Variants in DAAM1 observed in about 807,000 individuals in gnomAD.
DAAM1 encodes the protein dishevelled associated activator of morphogenesis 1, also known as disheveled-associated activator of morphogenesis 1.
A neutral mutation model predicts 130.0 loss-of-function variants in DAAM1; 52 were observed. The observed-to-expected ratio is 0.40, with a 90% CI of 0.32 to 0.50. DAAM1 has a LOEUF of 0.50. DAAM1 is among the 20% of genes least tolerant of loss of function. The pLI is 0.61. For synonymous variants in DAAM1, 452 were observed against 444.5 expected (o/e 1.02, Z -0.21); for missense variants, 1,134 against 1,303.8 (o/e 0.87, Z 2.01).
intron 1 of DAAM1, among the ~76,000 whole-genome samples, chr14:59,223,307 A>G (rs1437792508): frequency 6.6e-6 from 1 of 152,146 alleles, no homozygotes. Context: ...ATAATACCCA[A>G]TTCATGATGG....
chr14:59,330,699 C>T lies in DAAM1; in HGVS notation c.1560+11C>T. 3 of 1,596,198 alleles carry T rather than the reference C, an allele frequency of 1.9e-6. No homozygotes were observed. The highest frequency in any genetic ancestry group is 2.6e-6 in the Non-Finnish European group (3 of 1,172,246). On this transcript the variant is annotated intron_variant, in intron 13 of 24. Transcript: ENST00000360909. The stretch of plus-strand genomic sequence containing the variant: ...CATGAGCTCAGCAGGGTGAGGTCTT[C>T]CGCTCAGCTCACGGGCAGCTGCCAA...
chr14:59,347,815 G>A (rs1886140884), intron 17 of DAAM1, among the ~76,000 whole-genome samples, 192 bp downstream of exon 17: 1 of 152,154 alleles, frequency 6.6e-6, no homozygotes, highest in Non-Finnish European at 1.5e-5. Flanking sequence ...CAAACTGATG[G>A]GTGAGAAAGA....
chr14:59,371,255 C>T lies in DAAM1; in HGVS notation c.*2396C>T, dbSNP rs1424372944. The stretch of plus-strand genomic sequence containing the variant: ...GTAAACTTAATTATATGTCTTATAT[C>T]TTATTAGCTTAGTAGTTGGAACCAC... On this transcript the variant is annotated 3_prime_UTR_variant, in exon 25 of 25. Coordinates refer to ENST00000360909, the MANE Select transcript of DAAM1 (RefSeq NM_001270520.2). 6.6e-6 allele frequency: 1 copy of T among 151,462 alleles called. No individual in the cohort carries two copies. Among genetic ancestry groups the T allele is most frequent in the East Asian group, 1.9e-4 (1 of 5,174 alleles). 9.4% of individuals were successfully genotyped at this position (151,462 alleles called of 1,614,324 possible). A position where few individuals can be genotyped will look rare whatever the true frequency, so the allele number is the denominator to read the frequency against.
At chr14:59,242,267 T>C (rs1180353201) in intron 1 of DAAM1, among the ~76,000 whole-genome samples, 1 of 152,214 alleles carries the variant, frequency 6.6e-6, no homozygotes, top group Non-Finnish European at 1.5e-5. Context: ...ATCTCAAATA[T>C]AATCTCTCTA....
intron 2 of DAAM1, among the ~76,000 whole-genome samples, chr14:59,282,996 A>G (rs751794104): frequency 7.9e-5 from 12 of 152,112 alleles, no homozygotes; most frequent in African/African-American, 1.4e-4. Flanking sequence ...TGTTCTTTCA[A>G]TTCAGAATTG....
intron 2 of DAAM1, among the ~76,000 whole-genome samples, chr14:59,269,357 G>A (rs1246825137): frequency 6.6e-6 from 1 of 152,200 alleles, no homozygotes; most frequent in Non-Finnish European, 1.5e-5. Context: ...GTACCTCTCT[G>A]TAAACAGTCA....
At chr14:59,305,835 ATAAT>A (rs1215480874) in intron 3 of DAAM1, among the ~76,000 whole-genome samples, 2 of 152,226 alleles carry the variant, frequency 1.3e-5, no homozygotes, top group Non-Finnish European at 2.9e-5. Context: ...GAGGACATAA[ATAAT>A]AGCTATGTGC....
intron 2 of DAAM1, among the ~76,000 whole-genome samples, chr14:59,278,172 A>T (rs1488938709): frequency 6.6e-6 from 1 of 152,176 alleles, no homozygotes; most frequent in Non-Finnish European, 1.5e-5. Flanking sequence ...ATGTGAAATG[A>T]TAAAATGCCT....
Position 59,340,103 on chromosome 14 carries a change from G to A in DAAM1, c.1998G>A (p.Leu666=), listed in dbSNP as rs376144911. 63 of 1,613,510 alleles carry A rather than the reference G, an allele frequency of 3.9e-5. No individual in the cohort carries two copies. Among genetic ancestry groups the A allele is most frequent in the Non-Finnish European group, 4.6e-5 (54 of 1,179,708 alleles). ...QKEADAIDDT[L]SSKLKVKELS... is the part of the protein sequence containing the mutation. Reference sequence around the variant, plus strand: ...AAGCAGATGCCATTGATGACACTCTGAGTTCCAAACTTAAAGTTAAAGAGC... The same window carrying A: ...AAGCAGATGCCATTGATGACACTCTAAGTTCCAAACTTAAAGTTAAAGAGC... The change falls in exon 16 of 25, where the codon CTG becomes CTA. Residue 666 remains leucine (L), a synonymous_variant. Transcript: ENST00000360909.
At chr14:59,367,193 C>A (rs992012529) in intron 23 of DAAM1, among the ~76,000 whole-genome samples, 4 of 152,104 alleles carry the variant, frequency 2.6e-5, no homozygotes, top group Non-Finnish European at 5.9e-5. Context: ...GAGGTTGAGG[C>A]TGGAGAATCG....
At chr14:59,250,666 A>G (rs1406606334) in intron 1 of DAAM1, among the ~76,000 whole-genome samples, 2 of 152,056 alleles carry the variant, frequency 1.3e-5, no homozygotes, top group Non-Finnish European at 2.9e-5. Context: ...TTCCACAGAG[A>G]CAAACTTAGG....
At chr14:59,351,043 T>A (rs57044640) in intron 17 of DAAM1, among the ~76,000 whole-genome samples, 19,171 of 151,900 alleles carry the variant, frequency 0.13, 1,574 homozygotes, top group African/African-American at 0.23. Flanking sequence ...TAAACTCACC[T>A]TCTCCTCCCC....
chr14:59,204,464 A>G (rs940811824), intron 1 of DAAM1, among the ~76,000 whole-genome samples: 4 of 152,180 alleles, frequency 2.6e-5, no homozygotes, highest in African/African-American at 7.2e-5. Flanking sequence ...TTTCCCTGCA[A>G]TCAGCTGGAG....
chr14:59,314,434 G>T (rs1056379889), intron 3 of DAAM1, among the ~76,000 whole-genome samples: 12 of 151,944 alleles, frequency 7.9e-5, no homozygotes, highest in African/African-American at 9.7e-5. Flanking sequence ...TCTTCTGCTG[G>T]GCTCAGTGTT....
intron 15 of DAAM1, among the ~76,000 whole-genome samples, chr14:59,338,634 C>T (rs1885724905): frequency 6.6e-6 from 1 of 152,024 alleles, no homozygotes; most frequent in Non-Finnish European, 1.5e-5. Context: ...TCACCTAGTG[C>T]CTCACAGTAT....
intron 1 of DAAM1, among the ~76,000 whole-genome samples, chr14:59,239,908 A>T (rs947591016): frequency 2.0e-5 from 3 of 152,188 alleles, no homozygotes; most frequent in Non-Finnish European, 4.4e-5. Context: ...CCAAGGAATG[A>T]TTCCCTGATA....
At chr14:59,251,384 T>C (rs1410586662) in intron 1 of DAAM1, among the ~76,000 whole-genome samples, 2 of 151,418 alleles carry the variant, frequency 1.3e-5, no homozygotes, top group Non-Finnish European at 2.9e-5. Flanking sequence ...GTTAGGAGAT[T>C]GCCCATTGTG....
intron 1 of DAAM1, among the ~76,000 whole-genome samples, chr14:59,202,956 T>C (rs369130007): frequency 6.6e-6 from 1 of 152,012 alleles, no homozygotes; most frequent in African/African-American, 2.4e-5. Context: ...AGCGTAGTAT[T>C]GAAGAAAGAA....
chr14:59,328,488 GT>G (rs2139630271), intron 12 of DAAM1, among the ~76,000 whole-genome samples: 1 of 152,260 alleles, frequency 6.6e-6, no homozygotes, highest in South Asian at 2.1e-4. Context: ...TCATTCATTC[GT>G]TCATTCAGTG....
Sources: allele counts gnomAD v4.1 joint callset (sites outside exome capture counted in the v4.1 genomes callset), GRCh38; gene constraint gnomAD v4.1.1; transcripts MANE v1.5; gene names NCBI Gene and HGNC (gene_info 2026-07-23, HGNC 2026-07-21).